The following LIMD1 variants were observed in gnomAD, a reference collection of about 807,000 sequenced individuals.
LIMD1 encodes the protein LIM domain containing 1.
A neutral mutation model predicts 58.4 loss-of-function variants in LIMD1; 23 were observed. That is an observed-to-expected ratio of 0.39 (90% CI 0.28 to 0.56). LIMD1 has a LOEUF of 0.56. Among genes scored for constraint, LIMD1 ranks in the 20% least tolerant of loss-of-function variants. LIMD1 has a pLI of 0.57. For missense variants in LIMD1, 838 were observed against 855.5 expected (o/e 0.98, Z 0.25); for synonymous variants, 334 against 345.5 (o/e 0.97, Z 0.37).
intron 7 of LIMD1, among the ~76,000 whole-genome samples, chr3:45,675,983 T>G (rs1363397854): frequency 6.6e-6 from 1 of 152,188 alleles, no homozygotes; most frequent in Non-Finnish European, 1.5e-5. Flanking sequence ...CTGGGCGTGG[T>G]GGCTCATGCC....
chr3:45,632,933 A>G (rs1701750403), intron 1 of LIMD1, among the ~76,000 whole-genome samples: 1 of 152,142 alleles, frequency 6.6e-6, no homozygotes, highest in East Asian at 1.9e-4. Flanking sequence ...TGATGCCTCA[A>G]CCCTGTTGGG....
chr3:45,684,195 G>A lies in LIMD1; in HGVS notation c.*7136G>A, dbSNP rs967278207. 3.9e-5 allele frequency: 6 copies of A among 152,240 alleles called. No homozygotes were observed. The highest frequency in any genetic ancestry group is 4.1e-4 in the South Asian group (2 of 4,836). 9.4% of individuals were successfully genotyped at this position (152,240 alleles called of 1,614,324 possible). A position where few individuals can be genotyped will look rare whatever the true frequency, so the allele number is the denominator to read the frequency against. On this transcript the variant is annotated 3_prime_UTR_variant, in exon 8 of 8. Coordinates refer to ENST00000273317, the MANE Select transcript of LIMD1 (RefSeq NM_014240.3). The stretch of plus-strand genomic sequence containing the variant: ...GGAGAATCTCTGGCTATGTGGATAC[G>A]TCCAGGTGTGTAAGGCAGCCTCAGG...
chr3:45,612,065 T>TGC (rs748586029), intron 1 of LIMD1, among the ~76,000 whole-genome samples: 148 of 137,504 alleles, frequency 1.1e-3, no homozygotes, highest in South Asian at 4.0e-3. Context: ...GGTTTGCAGG[T>TGC]GCGCGCTCTC....
intron 2 of LIMD1, among the ~76,000 whole-genome samples, chr3:45,639,015 G>A (rs899831063): frequency 3.9e-5 from 6 of 152,272 alleles, no homozygotes; most frequent in East Asian, 1.9e-4. Context: ...CTGCGGGCAT[G>A]TGCCACCATG....
intron 1 of LIMD1, chr3:45,612,826 T>C (rs544229003): frequency 6.6e-6 from 1 of 152,384 alleles, no homozygotes; most frequent in East Asian, 1.9e-4. Flanking sequence ...GTGAATCAGC[T>C]TACTTGCTAA....
chr3:45,638,327 C>CGTGCA (rs1430425890), intron 2 of LIMD1, among the ~76,000 whole-genome samples: 2 of 152,110 alleles, frequency 1.3e-5, no homozygotes, highest in African/African-American at 4.8e-5. Flanking sequence ...AGATTCAAGA[C>CGTGCA]GTGCAGGTTT....
chr3:45,680,512 C>T lies in LIMD1; in HGVS notation c.*3453C>T, dbSNP rs1484792739. On this transcript the variant is annotated 3_prime_UTR_variant, in exon 8 of 8. Transcript: ENST00000273317. ...TTGTATTTTTAATAGAGACGAGTTT[C>T]ACCATGTTGCCCAGGATGGTCTGGA... 1 of 151,940 alleles carries T rather than the reference C, an allele frequency of 6.6e-6. No homozygotes were observed. The highest frequency in any genetic ancestry group is 1.5e-5 in the Non-Finnish European group (1 of 68,006). The allele number at this position is 151,940 out of a possible 1,614,324, so 9.4% of individuals were successfully genotyped here. A position where few individuals can be genotyped will look rare whatever the true frequency, so the allele number is the denominator to read the frequency against.
intron 2 of LIMD1, among the ~76,000 whole-genome samples, chr3:45,657,655 C>T (rs899576199): frequency 6.6e-6 from 1 of 152,126 alleles, no homozygotes; most frequent in Admixed American, 6.5e-5. Flanking sequence ...CCTCATGGTG[C>T]AGTGGAACAA....
In LIMD1 at chr3:45,595,032, G is replaced by C; in HGVS notation, c.153G>C (p.Lys51Asn). 6.2e-7 allele frequency: 1 copy of C among 1,613,980 alleles called. No individual in the cohort carries two copies. The highest frequency in any genetic ancestry group is 8.5e-7 in the Non-Finnish European group (1 of 1,180,024). The change falls in exon 1 of 8, where the codon AAG becomes AAC. Residue 51 changes from lysine to asparagine, a missense_variant. Coordinates refer to ENST00000273317, the MANE Select transcript of LIMD1 (RefSeq NM_014240.3). ...AAACTCGCAGGGTGTTCGCCACCAA[G>C]ATGGCCAAAATCCACCTCCAGCAGC... Reference protein sequence around the residue: ...FEETRRVFATKMAKIHLQQQQ... With the variant: ...FEETRRVFATNMAKIHLQQQQ...
At chr3:45,616,438 C>T (rs538643141) in intron 1 of LIMD1, among the ~76,000 whole-genome samples, 7 of 152,284 alleles carry the variant, frequency 4.6e-5, no homozygotes, top group African/African-American at 9.6e-5. Flanking sequence ...AAAACAAAAC[C>T]GGGTCACATC....
At chr3:45,609,884 A>G (rs894955834) in intron 1 of LIMD1, among the ~76,000 whole-genome samples, 1 of 152,130 alleles carries the variant, frequency 6.6e-6, no homozygotes, top group African/African-American at 2.4e-5. Context: ...GGCACACAGC[A>G]GGTACCCAGT....
chr3:45,637,136 TG>T (rs766736853), intron 2 of LIMD1, among the ~76,000 whole-genome samples: 1 of 152,146 alleles, frequency 6.6e-6, no homozygotes, highest in Non-Finnish European at 1.5e-5. Flanking sequence ...TAGAATCACC[TG>T]TGGAGACTTT....
intron 1 of LIMD1, among the ~76,000 whole-genome samples, chr3:45,632,339 A>T (rs72882530): frequency 0.027 from 4,082 of 152,138 alleles, 172 homozygotes; most frequent in African/African-American, 0.092. Flanking sequence ...TTTCGGAAAG[A>T]TTTCTCCCCC....
chr3:45,681,505 A>C lies in LIMD1; in HGVS notation c.*4446A>C, dbSNP rs1171740557. 6.6e-6 allele frequency: 1 copy of C among 152,276 alleles called. No homozygotes were observed. The highest frequency in any genetic ancestry group is 1.9e-4 in the East Asian group (1 of 5,198). The allele number at this position is 152,276 out of a possible 1,614,324, so 9.4% of individuals were successfully genotyped here. On this transcript the variant is annotated 3_prime_UTR_variant, in exon 8 of 8. Transcript: ENST00000273317. Reference sequence around the variant, plus strand: ...AAGGACAGTTTATTATAGCAATAGCAGTGGCCAGATTATCAGCATTTACAC... The same window carrying C: ...AAGGACAGTTTATTATAGCAATAGCCGTGGCCAGATTATCAGCATTTACAC...
chr3:45,652,144 C>G (rs768475271), intron 2 of LIMD1, among the ~76,000 whole-genome samples: 3 of 152,048 alleles, frequency 2.0e-5, no homozygotes, highest in Non-Finnish European at 4.4e-5. Flanking sequence ...CCAGGCTGAT[C>G]TCAAACTCCT....
At chr3:45,625,901 G>A (rs761908707) in intron 1 of LIMD1, among the ~76,000 whole-genome samples, 4 of 152,166 alleles carry the variant, frequency 2.6e-5, no homozygotes, top group Non-Finnish European at 5.9e-5. Context: ...AAGATATGGC[G>A]ATACTAAAAT....
Position 45,679,398 on chromosome 3 carries a change from A to G in LIMD1, c.*2339A>G, listed in dbSNP as rs1697711568. ...TCTCTTCGCTTCAGGCCCTTACACA[A>G]AAGCCATGAAGAGATGTTCACCTAC... On this transcript the variant is annotated 3_prime_UTR_variant, in exon 8 of 8. Transcript: ENST00000273317. 1 of 152,194 alleles carries G rather than the reference A, an allele frequency of 6.6e-6. No homozygotes were observed. The highest frequency in any genetic ancestry group is 2.1e-4 in the South Asian group (1 of 4,828). 9.4% of individuals were successfully genotyped at this position (152,194 alleles called of 1,614,324 possible). A position where few individuals can be genotyped will look rare whatever the true frequency, so the allele number is the denominator to read the frequency against.
chr3:45,660,319 C>T (rs755022856), intron 2 of LIMD1, among the ~76,000 whole-genome samples: 2 of 151,760 alleles, frequency 1.3e-5, no homozygotes, highest in Non-Finnish European at 2.9e-5. Context: ...TGGGGAGCTC[C>T]ACAAGTAAAG....
intron 2 of LIMD1, among the ~76,000 whole-genome samples, chr3:45,648,936 G>A (rs929214427): frequency 6.6e-6 from 1 of 152,022 alleles, no homozygotes; most frequent in Admixed American, 6.6e-5. Context: ...TTATTATTGA[G>A]TCTTAATCGT....
Sources: allele counts gnomAD v4.1 joint callset (sites outside exome capture counted in the v4.1 genomes callset), GRCh38; gene constraint gnomAD v4.1.1; transcripts MANE v1.5; gene names NCBI Gene and HGNC (gene_info 2026-07-23, HGNC 2026-07-21).